PRKG1: variants seen among roughly 807,000 people sequenced by gnomAD.
PRKG1 encodes protein kinase cGMP-dependent 1.
PRKG1 carries 35 observed loss-of-function variants against 88.1 expected under a neutral mutation model. The observed-to-expected ratio is 0.40, with a 90% CI of 0.30 to 0.53. PRKG1 has a LOEUF of 0.53. PRKG1 is among the 20% of genes least tolerant of loss of function. The pLI, the probability that PRKG1 is intolerant of heterozygous loss-of-function variation, is 0.59. For synonymous variants in PRKG1, 303 were observed against 292.5 expected, an observed-to-expected ratio of 1.04 and a Z score of -0.37; for missense variants, 540 against 839.8, an observed-to-expected ratio of 0.64 and a Z score of 4.41.
intron 4 of PRKG1, among the ~76,000 whole-genome samples, chr10:51,844,714 G>A (rs1310378901): frequency 6.6e-6 from 1 of 152,162 alleles, no homozygotes. Context: ...CTGAAGGAAT[G>A]TCAGGGGCTT....
At chr10:51,945,526 A>G (rs1267781579) in intron 5 of PRKG1, among the ~76,000 whole-genome samples, 1 of 151,774 alleles carries the variant, frequency 6.6e-6, no homozygotes, top group Non-Finnish European at 1.5e-5. Context: ...TTTGCTCATT[A>G]GTTGATGCAG....
At chr10:51,176,784 A>G (rs1006625514) in intron 2 of PRKG1, among the ~76,000 whole-genome samples, 3 of 152,186 alleles carry the variant, frequency 2.0e-5, no homozygotes, top group Non-Finnish European at 4.4e-5. Context: ...CACTTGGAGT[A>G]TGATGGAGAT....
At chr10:51,602,499 G>A (rs1014091565) in intron 3 of PRKG1, among the ~76,000 whole-genome samples, 1 of 151,948 alleles carries the variant, frequency 6.6e-6, no homozygotes, top group African/African-American at 2.4e-5. Context: ...AGGCTGGAAT[G>A]TAGTGGATGA....
intron 2 of PRKG1, among the ~76,000 whole-genome samples, chr10:51,327,582 A>G (rs1841625802): frequency 6.6e-6 from 1 of 152,180 alleles, no homozygotes; most frequent in Admixed American, 6.5e-5. Context: ...ATTGTTAGGT[A>G]ATTTTATTGT....
chr10:51,100,101 C>G lies in PRKG1; in HGVS notation c.311+25200C>G, dbSNP rs147386760. On this transcript the variant is annotated intron_variant, in intron 1 of 17. Transcript: ENST00000373980. ...TAGAGACTGGATCTCACTGTGTTGC[C>G]CAGGTTGGTCCTGAACCCCTGGCAT... is the stretch of plus-strand genomic sequence containing the variant. 3.2e-3 allele frequency among the ~76,000 whole-genome samples: 489 copies of G among 152,098 alleles called. 2 individuals are homozygous for G. Among genetic ancestry groups the G allele is most frequent in the African/African-American group, 0.01 (430 of 41,478 alleles).
At chr10:52,069,520 ACTCCATCT>A (rs1846441461) in intron 7 of PRKG1, among the ~76,000 whole-genome samples, 2 of 148,146 alleles carry the variant, frequency 1.4e-5, no homozygotes, top group Admixed American at 1.4e-4. Flanking sequence ...CCTGAGTGAG[ACTCCATCT>A]CAAAAACAAA....
chr10:50,994,604 A>G (rs1842816065), intron 1 of PRKG1, among the ~76,000 whole-genome samples: 1 of 151,968 alleles, frequency 6.6e-6, no homozygotes, highest in African/African-American at 2.4e-5. Flanking sequence ...CTGAAACAGA[A>G]TGCGTTATTG....
At chr10:52,268,576 A>G (rs1841634290) in intron 10 of PRKG1, among the ~76,000 whole-genome samples, 1 of 152,054 alleles carries the variant, frequency 6.6e-6, no homozygotes, top group Admixed American at 6.6e-5. Context: ...CTCACAGTCC[A>G]TGAGTTAGTC....
At chr10:52,120,667 G>A (rs530930932) in intron 7 of PRKG1, among the ~76,000 whole-genome samples, 12 of 152,290 alleles carry the variant, frequency 7.9e-5, no homozygotes, top group African/African-American at 2.9e-4. Context: ...TTGACTCCAC[G>A]TTCCATCTTC....
chr10:51,932,195 G>GTT (rs1170336221), intron 5 of PRKG1, among the ~76,000 whole-genome samples: 1 of 145,690 alleles, frequency 6.9e-6, no homozygotes, highest in African/African-American at 2.6e-5. Flanking sequence ...AATTGGTTTG[G>GTT]TGTTTTTTTT....
intron 3 of PRKG1, among the ~76,000 whole-genome samples, chr10:51,621,425 A>T (rs1364503849): frequency 1.3e-5 from 2 of 152,094 alleles, no homozygotes; most frequent in African/African-American, 4.8e-5. Context: ...CAATTGCATT[A>T]AATAAAATGT....
intron 3 of PRKG1, among the ~76,000 whole-genome samples, chr10:51,486,991 A>T (rs998133): frequency 1.3e-5 from 2 of 151,900 alleles, no homozygotes; most frequent in Admixed American, 1.3e-4. Flanking sequence ...ACATTTGTTA[A>T]AGGGCATCAC....
chr10:51,872,359 T>A (rs1467549922), intron 4 of PRKG1, among the ~76,000 whole-genome samples: 1 of 152,210 alleles, frequency 6.6e-6, no homozygotes, highest in Non-Finnish European at 1.5e-5. Flanking sequence ...TGTAAAGTGC[T>A]TAGTCCAGTA....
At chr10:51,976,733 C>CA (rs1315362289) in intron 5 of PRKG1, among the ~76,000 whole-genome samples, 2 of 151,848 alleles carry the variant, frequency 1.3e-5, no homozygotes, top group Non-Finnish European at 2.9e-5. Context: ...CTGAACTGTA[C>CA]AGTTTAAAAG....
At chr10:52,060,987 AT>A (rs1025849098) in intron 6 of PRKG1, among the ~76,000 whole-genome samples, 2 of 152,020 alleles carry the variant, frequency 1.3e-5, no homozygotes, top group African/African-American at 4.8e-5. Flanking sequence ...AAGAAAATAA[AT>A]TTTAGCTTTT....
At chr10:51,902,664 G>A (rs1299416289) in intron 4 of PRKG1, among the ~76,000 whole-genome samples, 1 of 152,098 alleles carries the variant, frequency 6.6e-6, no homozygotes, top group Admixed American at 6.6e-5. Flanking sequence ...TGACTAGTAA[G>A]AGCACAGTAG....
At chr10:51,183,813 T>C (rs1837413601) in intron 2 of PRKG1, among the ~76,000 whole-genome samples, 1 of 152,236 alleles carries the variant, frequency 6.6e-6, no homozygotes, top group Non-Finnish European at 1.5e-5. Context: ...ATGCTGATTC[T>C]AGCAGTGTTT....
intron 7 of PRKG1, among the ~76,000 whole-genome samples, chr10:52,095,209 T>G (rs1847145049): frequency 1.3e-5 from 2 of 152,158 alleles, no homozygotes; most frequent in Admixed American, 1.3e-4. Context: ...CCCTGTTATT[T>G]CCTCTGCCTG....
intron 3 of PRKG1, among the ~76,000 whole-genome samples, chr10:51,592,679 A>C (rs1291743610): frequency 6.6e-6 from 1 of 152,198 alleles, no homozygotes; most frequent in Non-Finnish European, 1.5e-5. Flanking sequence ...TTTTAGTCTA[A>C]ATATAAATTA....
Sources: allele counts gnomAD v4.1 joint callset (sites outside exome capture counted in the v4.1 genomes callset), GRCh38; gene constraint gnomAD v4.1.1; transcripts MANE v1.5; gene names NCBI Gene and HGNC (gene_info 2026-07-23, HGNC 2026-07-21).